The following PRR14L variants were observed in gnomAD, a reference collection of about 807,000 sequenced individuals.
PRR14L encodes the protein proline rich 14 like, also known as protein PRR14L.
A neutral mutation model predicts 155.0 loss-of-function variants in PRR14L; 80 were observed. The observed-to-expected ratio is 0.52, with a 90% CI of 0.43 to 0.62. PRR14L has a LOEUF of 0.62. PRR14L is among the 20% of genes least tolerant of loss of function. PRR14L has a pLI of 0.00. For synonymous variants in PRR14L, 883 were observed against 916.0 expected, an observed-to-expected ratio of 0.96 and a Z score of 0.65; for missense variants, 2,469 against 2,548.0, an observed-to-expected ratio of 0.97 and a Z score of 0.67.
At chr22:31,700,317 T>C (rs1429142646) in intron 7 of PRR14L, among the ~76,000 whole-genome samples, 1 of 152,210 alleles carries the variant, frequency 6.6e-6, no homozygotes, top group African/African-American at 2.4e-5. Flanking sequence ...TGAATCCTAT[T>C]TCATTCGAGT....
Position 31,689,232 on chromosome 22 carries a change from C to T in PRR14L, c.6108-1005G>A, listed in dbSNP as rs909050117. ...GGCATGGGGGCTCCCAACAGTAGTC[C>T]CAGTTACTTGGGAGACTGAGGCAAG... is the stretch of plus-strand genomic sequence containing the variant. On this transcript the variant is annotated intron_variant, in intron 7 of 8. Coordinates refer to ENST00000327423, the MANE Select transcript of PRR14L (RefSeq NM_173566.3). 2.0e-5 allele frequency among the ~76,000 whole-genome samples: 3 copies of T among 152,208 alleles called. 1 individual carries two copies. In the South Asian group the frequency reaches 6.2e-4, roughly 32 times the overall value.
rs554881842 is a variant in PRR14L, at chr22:31,715,383, G to A, written c.2456C>T (p.Ser819Phe). ...SSKISLQVDNSLITKYENAFQ... is the reference protein window; with the variant it reads ...SSKISLQVDNFLITKYENAFQ... Reference sequence around the variant, plus strand: ...TGCATTTTCATATTTTGTTATCAAAGAGTTATCAACTTGCAGGCTGATTTT... The same window carrying A: ...TGCATTTTCATATTTTGTTATCAAAAAGTTATCAACTTGCAGGCTGATTTT... The change falls in exon 4 of 9, where the codon TCT becomes TTT. Residue 819 changes from serine (S) to phenylalanine (F), a missense_variant. By Grantham distance (155) the Ser-to-Phe change is radical (BLOSUM62 -2). Transcript: ENST00000327423. 1.3e-6 allele frequency: 2 copies of A among 1,552,208 alleles called. No individual in the cohort carries two copies. The highest frequency in any genetic ancestry group is 4.9e-5 in the East Asian group (2 of 40,928).
chr22:31,722,524 GTTT>G (rs1227976831), intron 3 of PRR14L, among the ~76,000 whole-genome samples: 1 of 138,208 alleles, frequency 7.2e-6, no homozygotes, highest in Non-Finnish European at 1.6e-5. Context: ...GCATCATTCA[GTTT>G]TTTTTTTTTT....
At position 31,701,682 on chromosome 22, in the gene PRR14L, G is replaced by GGTGC; in HGVS notation, c.6080_6081insGCAC (p.Pro2028HisfsTer17). On this transcript the variant is annotated frameshift_variant, in exon 7 of 9. Transcript: ENST00000327423. LOFTEE classifies it high-confidence loss of function. ...TTTTGGGTCGAGGAAGGCCCATGGG[G>GGTGC]GTAAGATTAGGATCTGGCCTAGGAA... 6.2e-7 allele frequency: 1 copy of GGTGC among 1,613,434 alleles called. No individual in the cohort carries two copies. Among genetic ancestry groups the GGTGC allele is most frequent in the Non-Finnish European group, 8.5e-7 (1 of 1,179,644 alleles).
At chr22:31,721,129 C>A (rs545160207) in intron 3 of PRR14L, among the ~76,000 whole-genome samples, 14 of 152,206 alleles carry the variant, frequency 9.2e-5, no homozygotes, top group Non-Finnish European at 1.9e-4. Context: ...GGGTGAGGAA[C>A]CAGCAAGAGT....
intron 2 of PRR14L, among the ~76,000 whole-genome samples, chr22:31,734,400 CT>C (rs1182524782): frequency 6.6e-6 from 1 of 152,210 alleles, no homozygotes; most frequent in African/African-American, 2.4e-5. Context: ...TGTCAGCTGT[CT>C]TTTGACTGTG....
chr22:31,705,443 G>A (rs1212651181), intron 4 of PRR14L, among the ~76,000 whole-genome samples: 1 of 151,444 alleles, frequency 6.6e-6, no homozygotes. Context: ...GTGTGATCTC[G>A]GCTCACTGCA....
At chr22:31,733,981 T>C (rs1323264928) in intron 2 of PRR14L, among the ~76,000 whole-genome samples, 1 of 152,082 alleles carries the variant, frequency 6.6e-6, no homozygotes, top group Non-Finnish European at 1.5e-5. Context: ...TTTTTTTCTT[T>C]TTCTTTTTTT....
intron 4 of PRR14L, among the ~76,000 whole-genome samples, chr22:31,708,420 G>C (rs1007217708): frequency 3.3e-5 from 5 of 151,318 alleles, no homozygotes; most frequent in Admixed American, 6.6e-5. Flanking sequence ...TCTGCCTCCT[G>C]GGTTCAAGCA....
chr22:31,734,163 G>A (rs139837228), intron 2 of PRR14L, among the ~76,000 whole-genome samples: 4 of 151,944 alleles, frequency 2.6e-5, no homozygotes, highest in Non-Finnish European at 5.9e-5. Context: ...AGTAAAGATG[G>A]GGTTTCACCA....
At chr22:31,732,937 TG>T (rs1415111201) in intron 2 of PRR14L, among the ~76,000 whole-genome samples, 1 of 152,100 alleles carries the variant, frequency 6.6e-6, no homozygotes, top group Admixed American at 6.6e-5. Context: ...TAAAAACTGC[TG>T]AAAAGAACAA....
chr22:31,716,708 T>C lies in PRR14L; in HGVS notation c.1131A>G (p.Thr377=). 6.4e-7 allele frequency: 1 copy of C among 1,551,834 alleles called. No individual in the cohort carries two copies. Among genetic ancestry groups the C allele is most frequent in the Non-Finnish European group, 8.7e-7 (1 of 1,147,032 alleles). Residue 377 remains threonine, a synonymous_variant, in exon 4 of 9, where the codon ACA becomes ACG. Transcript: ENST00000327423. ...CCCCCCTATAAAAATAAGAACTGTC[T>C]GTCTTTTCAGCAGATCTCTTTAGCA... ...GGLLKRSAEK[T]DSSYFYRGDD...
intron 6 of PRR14L, 132 bp downstream of exon 6, chr22:31,703,418 A>T: frequency 1.2e-6 from 1 of 831,730 alleles, no homozygotes. Context: ...AGTACTCTCC[A>T]GAACTCGGCT....
At chr22:31,731,396 C>T (rs1301018051) in intron 2 of PRR14L, among the ~76,000 whole-genome samples, 1 of 151,722 alleles carries the variant, frequency 6.6e-6, no homozygotes, top group African/African-American at 2.4e-5. Context: ...AACCCCGTCT[C>T]TACTAAAAAT....
intron 4 of PRR14L, 97 bp from the exon 5 acceptor site, chr22:31,704,823 A>G: frequency 6.7e-6 from 5 of 741,930 alleles, no homozygotes; most frequent in Non-Finnish European, 1.1e-5. Context: ...TGATAGCCCC[A>G]AGAAGACAAG....
At chr22:31,706,400 G>A (rs1302339604) in intron 4 of PRR14L, among the ~76,000 whole-genome samples, 1 of 142,970 alleles carries the variant, frequency 7.0e-6, no homozygotes, top group Non-Finnish European at 1.5e-5. Context: ...ACTATTAAAA[G>A]TTTAATTCCT....
chr22:31,746,589 C>A (rs1023049179), intron 1 of PRR14L, among the ~76,000 whole-genome samples: 8 of 152,298 alleles, frequency 5.3e-5, no homozygotes, highest in Admixed American at 1.3e-4. Flanking sequence ...CGACTTTTGA[C>A]AGCTGCTACT....
chr22:31,738,312 G>T, intron 2 of PRR14L, 75 bp downstream of exon 2: 1 of 1,195,596 alleles, frequency 8.4e-7, no homozygotes. Flanking sequence ...TGAGCCAACC[G>T]TCAGCATCTG....
Position 31,712,251 on chromosome 22 carries a change from A to G in PRR14L, c.5588T>C (p.Leu1863Ser). The change falls in exon 4 of 9, where the codon TTA becomes TCA. Residue 1863 changes from leucine (L) to serine (S), a missense_variant. Coordinates refer to ENST00000327423, the MANE Select transcript of PRR14L (RefSeq NM_173566.3). ...GTCTGCTATGGAGGCTGGAGACCGT[A>G]ACCCTTTCAGGCCCTGTGTAAACTG... ...MTQFTQGLKGLRSPASIADKV... is the reference protein window; with the variant it reads ...MTQFTQGLKGSRSPASIADKV... 1 of 1,614,224 alleles carries G rather than the reference A, an allele frequency of 6.2e-7. No individual in the cohort carries two copies. The highest frequency in any genetic ancestry group is 8.5e-7 in the Non-Finnish European group (1 of 1,180,036).
Sources: gnomAD v4.1 joint callset for allele counts (sites outside exome capture counted in the v4.1 genomes callset) on GRCh38, gnomAD v4.1.1 for gene constraint, MANE v1.5 for transcripts, NCBI Gene and HGNC (gene_info 2026-07-23, HGNC 2026-07-21) for gene names.